The following CDH2 variants were observed in gnomAD, a reference collection of about 807,000 sequenced individuals.
CDH2 encodes cadherin-2.
CDH2 carries 17 observed loss-of-function variants against 92.0 expected under a neutral mutation model. The observed-to-expected ratio is 0.18, with a 90% CI of 0.13 to 0.28. The LOEUF is 0.28. Among genes scored for constraint, CDH2 ranks in the 10% least tolerant of loss-of-function variants. CDH2 has a pLI of 1.00. For missense variants in CDH2, 862 were observed against 1,133.1 expected, an observed-to-expected ratio of 0.76 and a Z score of 3.44; for synonymous variants, 419 against 415.9, an observed-to-expected ratio of 1.01 and a Z score of -0.09.
chr18:28,148,544 A>G (rs1381141035), intron 1 of CDH2, among the ~76,000 whole-genome samples: 1 of 152,196 alleles, frequency 6.6e-6, no homozygotes, highest in Non-Finnish European at 1.5e-5. Context: ...CCCTACTGAC[A>G]CAATTGGAGG....
chr18:28,012,017 C>A (rs199683507), intron 3 of CDH2, 25 bp from the exon 4 acceptor site: 8 of 1,601,050 alleles, frequency 5.0e-6, no homozygotes, highest in Admixed American at 3.4e-5. Flanking sequence ...AGAAGACATT[C>A]CTGAGTACTA....
At chr18:28,045,583 G>T in intron 2 of CDH2, 1 of 342,320 alleles carries the variant, frequency 2.9e-6, no homozygotes, top group Non-Finnish European at 5.8e-6. Context: ...CTATCTGAGT[G>T]GAACACTCTT....
intron 6 of CDH2, among the ~76,000 whole-genome samples, chr18:28,005,025 A>C (rs145073967): frequency 4.2e-4 from 64 of 152,366 alleles, no homozygotes; most frequent in African/African-American, 1.5e-3. Flanking sequence ...TAAAAATACA[A>C]AACAAAAATA....
At chr18:27,957,799 C>A (rs2011290041) in intron 15 of CDH2, among the ~76,000 whole-genome samples, 1 of 152,188 alleles carries the variant, frequency 6.6e-6, no homozygotes, top group Non-Finnish European at 1.5e-5. Flanking sequence ...TAAAAGTACA[C>A]CATACTTACA....
At chr18:28,142,002 A>G (rs1260852463) in intron 2 of CDH2, among the ~76,000 whole-genome samples, 1 of 151,966 alleles carries the variant, frequency 6.6e-6, no homozygotes, top group Non-Finnish European at 1.5e-5. Context: ...AAAGGCACAC[A>G]TTCTCCCTAT....
intron 2 of CDH2, among the ~76,000 whole-genome samples, chr18:28,043,856 A>C (rs1599058026): frequency 7.2e-6 from 1 of 139,742 alleles, no homozygotes. Context: ...AGGCTGGGCC[A>C]CTCATCTCAG....
intron 2 of CDH2, among the ~76,000 whole-genome samples, chr18:28,045,950 G>A (rs1288757593): frequency 6.6e-6 from 1 of 152,178 alleles, no homozygotes; most frequent in African/African-American, 2.4e-5. Context: ...ACTATCACTG[G>A]ACCGACAATG....
chr18:28,104,834 T>A (rs1568000008), intron 2 of CDH2, among the ~76,000 whole-genome samples: 1 of 151,892 alleles, frequency 6.6e-6, no homozygotes, highest in Admixed American at 6.6e-5. Context: ...TAATTCTGTT[T>A]GTGAATTAAT....
intron 2 of CDH2, among the ~76,000 whole-genome samples, chr18:28,082,656 G>A (rs536144459): frequency 6.6e-6 from 1 of 152,026 alleles, no homozygotes; most frequent in South Asian, 2.1e-4. Context: ...TCATAAAATG[G>A]TGCATTATAC....
At chr18:27,947,320 T>C (rs1027919346), downstream of CDH2, among the ~76,000 whole-genome samples, 4 of 151,824 alleles carry the variant, frequency 2.6e-5, no homozygotes, top group East Asian at 7.7e-4. Context: ...TAGAGTGTAA[T>C]AAAATGAGAT....
chr18:28,030,309 TAA>T (rs1168329122), intron 2 of CDH2, among the ~76,000 whole-genome samples: 1 of 151,850 alleles, frequency 6.6e-6, no homozygotes, highest in Non-Finnish European at 1.5e-5. Context: ...GAAAAAGTAT[TAA>T]GTGTAAATTT....
At chr18:27,977,129 TAAAG>T (rs772819474) in intron 14 of CDH2, among the ~76,000 whole-genome samples, 3 of 149,000 alleles carry the variant, frequency 2.0e-5, no homozygotes, top group Admixed American at 6.8e-5. Flanking sequence ...GTGAAAGAGA[TAAAG>T]AAAGAACTTC....
intron 6 of CDH2, 144 bp from the exon 7 acceptor site, chr18:28,003,313 C>T: frequency 3.4e-6 from 2 of 593,680 alleles, no homozygotes; most frequent in Non-Finnish European, 5.7e-6. Flanking sequence ...ATTAAAAATG[C>T]TACTCATAAG....
At chr18:27,967,392 T>C (rs1470394927) in intron 14 of CDH2, among the ~76,000 whole-genome samples, 1 of 152,158 alleles carries the variant, frequency 6.6e-6, no homozygotes, top group African/African-American at 2.4e-5. Context: ...ATGATGTACA[T>C]AAACACACAA....
intron 2 of CDH2, among the ~76,000 whole-genome samples, chr18:28,043,475 T>TATATATATATATAA: frequency 1.3e-5 from 1 of 77,446 alleles, no homozygotes; most frequent in African/African-American, 4.9e-5. Flanking sequence ...TATATATATA[T>TATATATATATATAA]ATATATATAT....
chr18:28,085,725 C>T (rs1276551008), intron 2 of CDH2, among the ~76,000 whole-genome samples: 3 of 152,238 alleles, frequency 2.0e-5, no homozygotes, highest in South Asian at 4.1e-4. Flanking sequence ...TCAATCTGGT[C>T]CCATACTCTA....
intron 15 of CDH2, among the ~76,000 whole-genome samples, chr18:27,961,028 A>G (rs1302535805): frequency 1.7e-5 from 2 of 116,482 alleles, no homozygotes; most frequent in Non-Finnish European, 4.2e-5. Context: ...TTAAAAAAAG[A>G]ACAAAAAAAA....
At chr18:28,174,092 G>A (rs2016502039) in intron 1 of CDH2, among the ~76,000 whole-genome samples, 1 of 151,940 alleles carries the variant, frequency 6.6e-6, no homozygotes, top group Non-Finnish European at 1.5e-5. Context: ...AGTAAAATAA[G>A]GTACACAGAC....
At chr18:28,150,108 C>A (rs573431520) in intron 1 of CDH2, among the ~76,000 whole-genome samples, 5 of 152,164 alleles carry the variant, frequency 3.3e-5, no homozygotes, top group Non-Finnish European at 7.3e-5. Flanking sequence ...ATAAAATGGA[C>A]AAATGTGTTG....
Sources: allele counts gnomAD v4.1 joint callset (sites outside exome capture counted in the v4.1 genomes callset), GRCh38; gene constraint gnomAD v4.1.1; transcripts MANE v1.5; gene names NCBI Gene and HGNC (gene_info 2026-07-23, HGNC 2026-07-21).